Variants in SH2D1A observed in about 807,000 individuals in gnomAD.
SH2D1A encodes SH2 domain-containing protein 1A.
In SH2D1A, 6 loss-of-function variants were observed where a neutral mutation model predicts 10.1. The ratio of observed to expected loss-of-function variants is 0.60; its 90% CI spans 0.33 to 1.18. The LOEUF is 1.18. SH2D1A is among the 50% of genes most tolerant of loss of function. SH2D1A has a pLI of 0.04. For missense variants in SH2D1A, 51 were observed against 97.6 expected, an observed-to-expected ratio of 0.52 and a Z score of 2.01; for synonymous variants, 42 against 36.9, an observed-to-expected ratio of 1.14 and a Z score of -0.51.
chrX:124,370,278 G>A lies in SH2D1A; in HGVS notation c.304G>A (p.Val102Ile), dbSNP rs200689267. 4.2e-6 allele frequency: 5 copies of A among 1,198,471 alleles called. No homozygotes were observed. The East Asian group carries it at 8.9e-5, about 21-fold the overall frequency. ...CATTGTAATACCTCTGCAGTATCCA[G>A]TTGAGAAGAAGTCCTCAGCTAGAAG... ...QGIVIPLQYP[V>I]EKKSSARSTQ... The change falls in exon 3 of 4, where the codon GTT becomes ATT. Residue 102 changes from valine (V) to isoleucine (I), a missense_variant. By Grantham distance (29) the Val-to-Ile change is conservative (BLOSUM62 3). Transcript: ENST00000371139.
rs2060066337 is a variant in SH2D1A, at chrX:124,370,304, T to C, written c.330T>C (p.Ser110=). 1 of 1,204,448 alleles carries C rather than the reference T, an allele frequency of 8.3e-7. No homozygotes were observed. The highest frequency in any genetic ancestry group is 2.2e-5 in the Admixed American group (1 of 45,988). The change falls in exon 3 of 4, where the codon AGT becomes AGC. Residue 110 remains serine (S), a synonymous_variant. Coordinates refer to ENST00000371139, the MANE Select transcript of SH2D1A (RefSeq NM_002351.5). ...YPVEKKSSAR[S]TQGTTGIRED... ...TTGAGAAGAAGTCCTCAGCTAGAAG[T>C]ACACAAGGTACTACAGGTATGATTT...
intron 1 of SH2D1A, among the ~76,000 whole-genome samples, chrX:124,352,628 T>C (rs1349758154): frequency 8.9e-6 from 1 of 112,018 alleles, no homozygotes; most frequent in East Asian, 2.8e-4. Context: ...AATGGCCAGA[T>C]AGTATTCAAT....
At chrX:124,367,072 A>G (rs1207488213) in intron 2 of SH2D1A, among the ~76,000 whole-genome samples, 1 of 111,428 alleles carries the variant, frequency 9.0e-6, no homozygotes, top group Non-Finnish European at 1.9e-5. Context: ...GTATAACATC[A>G]TATGAGATTG....
chrX:124,369,623 A>C (rs754356764), intron 2 of SH2D1A, among the ~76,000 whole-genome samples: 7 of 112,033 alleles, frequency 6.2e-5, no homozygotes, highest in African/African-American at 2.3e-4. Flanking sequence ...GTGAGGTGAA[A>C]GAGTATGAGG....
intron 1 of SH2D1A, among the ~76,000 whole-genome samples, chrX:124,347,258 A>G (rs1202035583): frequency 9.1e-6 from 1 of 110,404 alleles, no homozygotes; most frequent in Non-Finnish European, 1.9e-5. Flanking sequence ...TAAGAATGCA[A>G]TGCCAGTTAG....
intron 1 of SH2D1A, among the ~76,000 whole-genome samples, chrX:124,353,484 G>GT (rs981203908): frequency 9.4e-5 from 10 of 105,832 alleles, no homozygotes; most frequent in Admixed American, 1.0e-4. Flanking sequence ...AATGCAGATA[G>GT]TTTTTTTTTT....
At chrX:124,354,220 G>A (rs1182179913) in intron 1 of SH2D1A, among the ~76,000 whole-genome samples, 1 of 111,627 alleles carries the variant, frequency 9.0e-6, no homozygotes, top group African/African-American at 3.3e-5. Flanking sequence ...AATAAGCCAA[G>A]TACTGACTCT....
rs770660271 is a variant in SH2D1A at position 124,360,600 on chromosome X, T to TTA, written c.138-5161_138-5160insTA. Reference sequence around the variant, plus strand: ...CCTGGGTGACAGAGCAAGACACCATTAAAAAAAAAAAAAAAAAAAAAAAAG... The same window carrying TTA: ...CCTGGGTGACAGAGCAAGACACCATTTAAAAAAAAAAAAAAAAAAAAAAAAAG... On this transcript the variant is annotated intron_variant, in intron 1 of 3. Coordinates refer to ENST00000371139, the MANE Select transcript of SH2D1A (RefSeq NM_002351.5). 6.1e-3 allele frequency among the ~76,000 whole-genome samples: 189 copies of TTA among 30,796 alleles called. 6 individuals carry two copies. Among genetic ancestry groups the TTA allele is most frequent in the Middle Eastern group, 0.027 (1 of 37 alleles). The allele number at this position is 30,796 out of a possible 115,157, so 26.7% of individuals were successfully genotyped here.
chrX:124,354,164 A>G (rs1456287079), intron 1 of SH2D1A, among the ~76,000 whole-genome samples: 2 of 112,123 alleles, frequency 1.8e-5, no homozygotes, highest in African/African-American at 3.2e-5. Context: ...AAGCCAGCCT[A>G]GGATTGTTTG....
intron 1 of SH2D1A, among the ~76,000 whole-genome samples, chrX:124,353,785 G>T (rs2060020626): frequency 8.9e-6 from 1 of 112,169 alleles, no homozygotes; most frequent in African/African-American, 3.2e-5. Flanking sequence ...TAATTCTTTA[G>T]CTTCAAGGAC....
chrX:124,352,686 T>C (rs2060017961), intron 1 of SH2D1A, among the ~76,000 whole-genome samples: 1 of 112,179 alleles, frequency 8.9e-6, no homozygotes, highest in Non-Finnish European at 1.9e-5. Context: ...GTTGCTGGAC[T>C]CTTCTATATC....
intron 2 of SH2D1A, among the ~76,000 whole-genome samples, chrX:124,366,226 G>A (rs1389563914): frequency 1.8e-5 from 2 of 110,885 alleles, no homozygotes; most frequent in South Asian, 3.8e-4. Context: ...CAATATACTT[G>A]GGAAGTTATA....
chrX:124,364,482 C>G (rs2060048858), intron 1 of SH2D1A: 5 of 238,290 alleles, frequency 2.1e-5, no homozygotes, highest in Middle Eastern at 5.8e-4. Context: ...AGAGTTGAAG[C>G]TAAGATTAAT....
At position 124,372,686 on chromosome X, in the gene SH2D1A, T is replaced by C; in HGVS notation, c.*1295T>C. On this transcript the variant is annotated 3_prime_UTR_variant, in exon 4 of 4. Transcript: ENST00000371139. ...GCCATATGAAAAGGCTAAGCTTCACTGTAAAATAATAACTGGGAATTCTGG... is the reference window on the plus strand; with the variant it reads ...GCCATATGAAAAGGCTAAGCTTCACCGTAAAATAATAACTGGGAATTCTGG... 1 of 169,836 alleles carries C rather than the reference T, an allele frequency of 5.9e-6. No homozygotes were observed. The highest frequency in any genetic ancestry group is 1.9e-3 in the Middle Eastern group (1 of 525). 14.0% of individuals were successfully genotyped at this position (169,836 alleles called of 1,213,427 possible).
chrX:124,370,709 G>GT, intron 3 of SH2D1A, among the ~76,000 whole-genome samples: 1 of 111,997 alleles, frequency 8.9e-6, no homozygotes, highest in East Asian at 2.8e-4. Flanking sequence ...TTAGTAAACT[G>GT]TTTTTTCCTT....
At chrX:124,361,747 T>C (rs996498250) in intron 1 of SH2D1A, among the ~76,000 whole-genome samples, 1 of 112,195 alleles carries the variant, frequency 8.9e-6, no homozygotes, top group African/African-American at 3.2e-5. Context: ...GTAAAAAAAT[T>C]GACTTTTTAT....
At chrX:124,349,343 TA>T (rs2060001904) in intron 1 of SH2D1A, among the ~76,000 whole-genome samples, 1 of 112,005 alleles carries the variant, frequency 8.9e-6, no homozygotes, top group African/African-American at 3.2e-5. Context: ...TTGATAAATG[TA>T]AAAATTTCAT....
chrX:124,370,419 A>G (rs753159871), intron 3 of SH2D1A, 99 bp downstream of exon 3: 18 of 715,778 alleles, frequency 2.5e-5, no homozygotes, highest in Non-Finnish European at 3.5e-5. Flanking sequence ...TGTAAGAAAA[A>G]TGCAGTGAGA....
At chrX:124,352,024 C>T (rs1261453384) in intron 1 of SH2D1A, among the ~76,000 whole-genome samples, 2 of 111,197 alleles carry the variant, frequency 1.8e-5, no homozygotes, top group Non-Finnish European at 3.8e-5. Context: ...TAGTCAAATA[C>T]GTCACTCGTT....
Sources: allele counts gnomAD v4.1 joint callset (sites outside exome capture counted in the v4.1 genomes callset), GRCh38; gene constraint gnomAD v4.1.1; transcripts MANE v1.5; gene names NCBI Gene and HGNC (gene_info 2026-07-23, HGNC 2026-07-21).